GPR55: variants seen among roughly 807,000 people sequenced by gnomAD.
The protein encoded by GPR55 is G protein-coupled receptor 55, also known as G-protein coupled receptor 55.
A neutral mutation model predicts 7.9 loss-of-function variants in GPR55; 6 were observed. The ratio of observed to expected loss-of-function variants is 0.76; its 90% CI spans 0.41 to 1.49. The LOEUF (loss-of-function observed/expected upper bound fraction) is 1.49. Among genes scored for constraint, GPR55 ranks in the 40% most tolerant of loss-of-function variants. The pLI is 0.01. For missense variants in GPR55, 376 were observed against 406.0 expected (o/e 0.93, Z 0.63); for synonymous variants, 183 against 166.8 (o/e 1.10, Z -0.75).
chr2:230,938,814 G>A (rs935134388), intron 1 of GPR55, among the ~76,000 whole-genome samples: 33 of 152,192 alleles, frequency 2.2e-4, no homozygotes, highest in African/African-American at 7.2e-4. Flanking sequence ...TAGGGCAGGA[G>A]ACAAAAAGCC....
chr2:230,909,631 C>T lies in GPR55; in HGVS notation c.*372G>A. Reference sequence around the variant, plus strand: ...TGGCTCCCTCCTTTACCTCTTTTCTCTCTCTCTCTTTCTTTCCAGAACCTC... The same window carrying T: ...TGGCTCCCTCCTTTACCTCTTTTCTTTCTCTCTCTTTCTTTCCAGAACCTC... On this transcript the variant is annotated 3_prime_UTR_variant, in exon 2 of 2. Coordinates refer to ENST00000650999, the MANE Select transcript of GPR55 (RefSeq NM_005683.4). 4.7e-6 allele frequency: 1 copy of T among 214,628 alleles called. No homozygotes were observed. Among genetic ancestry groups the T allele is most frequent in the East Asian group, 1.1e-4 (1 of 9,418 alleles). The allele number at this position is 214,628 out of a possible 1,614,324, so 13.3% of individuals were successfully genotyped here.
intron 1 of GPR55, among the ~76,000 whole-genome samples, chr2:230,952,082 G>A (rs1023842544): frequency 1.1e-4 from 17 of 152,110 alleles, no homozygotes; most frequent in Non-Finnish European, 1.3e-4. Context: ...GGTACATTTG[G>A]AGAGGGAGGG....
Position 230,943,118 on chromosome 2 carries a change from G to GGA in GPR55, c.-135+17655_-135+17656dup, listed in dbSNP as rs1553543412. On this transcript the variant is annotated intron_variant, in intron 1 of 1. Coordinates refer to the GPR55 transcript ENST00000392039. Reference sequence around the variant, plus strand: ...GAGAGAGGAGAGAAAGAGAGAGAGAGGAGAGAGAGAGCGCTCTCTGTAGCA... The same window carrying GGA: ...GAGAGAGGAGAGAAAGAGAGAGAGAGGAGAGAGAGAGAGCGCTCTCTGTAGCA... Among the ~76,000 whole-genome samples the GGA allele has an allele frequency of 3.8e-4, 57 of 149,318 alleles. No individual in the cohort carries two copies. The East Asian group carries it at 0.011, about 28-fold the overall frequency.
At chr2:230,932,314 G>A (rs1460607663) in intron 1 of GPR55, among the ~76,000 whole-genome samples, 1 of 152,226 alleles carries the variant, frequency 6.6e-6, no homozygotes, top group Non-Finnish European at 1.5e-5. Context: ...AATTGGTGCT[G>A]AAGGCAGAAA....
At chr2:230,940,082 C>T (rs1472617094) in intron 1 of GPR55, among the ~76,000 whole-genome samples, 2 of 152,156 alleles carry the variant, frequency 1.3e-5, no homozygotes, top group African/African-American at 4.8e-5. Flanking sequence ...CCCTGGAGTC[C>T]TGCGATGCTG....
chr2:230,938,638 C>T (rs1045968868), intron 1 of GPR55, among the ~76,000 whole-genome samples: 6 of 152,218 alleles, frequency 3.9e-5, no homozygotes, highest in Non-Finnish European at 5.9e-5. Context: ...ACTTCACCAG[C>T]TCCGGAAAAT....
At position 230,945,535 on chromosome 2, in the gene GPR55, T is replaced by C. The variant is rs149090539; in HGVS notation, c.-135+15240A>G. On this transcript the variant is annotated intron_variant, in intron 1 of 1. Transcript: ENST00000392039. ...TTGACACAATGGAGGAATCTGAATA[T>C]GGATTTCGTGGTGGACGATATTACA... Among the ~76,000 whole-genome samples, 273 of 152,318 alleles carry C rather than the reference T, an allele frequency of 1.8e-3. 2 individuals carry two copies. Among genetic ancestry groups the C allele is most frequent in the African/African-American group, 5.6e-3 (234 of 41,578 alleles).
At chr2:230,950,714 C>G (rs1303341966) in intron 1 of GPR55, among the ~76,000 whole-genome samples, 1 of 152,136 alleles carries the variant, frequency 6.6e-6, no homozygotes, top group Non-Finnish European at 1.5e-5. Flanking sequence ...GTTACAGTCT[C>G]GTGTTATGAC....
chr2:230,959,417 C>T (rs956984414), intron 1 of GPR55, among the ~76,000 whole-genome samples: 1 of 152,108 alleles, frequency 6.6e-6, no homozygotes, highest in Admixed American at 6.5e-5. Flanking sequence ...CCACTGCACT[C>T]CAGCCTGGGC....
intron 1 of GPR55, among the ~76,000 whole-genome samples, chr2:230,960,619 G>A (rs1171392516): frequency 3.3e-5 from 5 of 152,106 alleles, no homozygotes; most frequent in Non-Finnish European, 7.3e-5. Context: ...TCACAGTAAA[G>A]AGCCTGGACG....
intron 1 of GPR55, among the ~76,000 whole-genome samples, chr2:230,951,771 T>TGGG (rs1559180528): frequency 4.0e-5 from 6 of 150,424 alleles, no homozygotes; most frequent in African/African-American, 1.5e-4. Context: ...TTTTTTTTTT[T>TGGG]TTTGTGAGAC....
intron 1 of GPR55, among the ~76,000 whole-genome samples, chr2:230,936,539 T>C (rs1483073220): frequency 6.6e-6 from 1 of 152,192 alleles, no homozygotes; most frequent in African/African-American, 2.4e-5. Context: ...GAACTGTGAG[T>C]CAATTAAACC....
chr2:230,949,964 G>C (rs1457385087), intron 1 of GPR55, among the ~76,000 whole-genome samples: 1 of 151,958 alleles, frequency 6.6e-6, no homozygotes, highest in Non-Finnish European at 1.5e-5. Flanking sequence ...CTCCCAAATA[G>C]CTGGGATTAC....
intron 1 of GPR55, among the ~76,000 whole-genome samples, chr2:230,935,237 C>T (rs1204967316): frequency 1.3e-5 from 2 of 152,110 alleles, no homozygotes; most frequent in African/African-American, 4.8e-5. Context: ...AGAAAAGGGG[C>T]CTCAGGTTAC....
At chr2:230,939,032 T>C (rs1166822897) in intron 1 of GPR55, among the ~76,000 whole-genome samples, 1 of 152,196 alleles carries the variant, frequency 6.6e-6, no homozygotes, top group South Asian at 2.1e-4. Flanking sequence ...GCTCCTGCCG[T>C]GTGGCCAGTT....
At chr2:230,946,711 C>T (rs1443465007) in intron 1 of GPR55, among the ~76,000 whole-genome samples, 1 of 152,188 alleles carries the variant, frequency 6.6e-6, no homozygotes, top group Non-Finnish European at 1.5e-5. Context: ...GGACAAGTTC[C>T]CACTGCAGCC....
chr2:230,944,814 G>A lies in GPR55; in HGVS notation c.-135+15961C>T, dbSNP rs1016263977. 6.6e-5 allele frequency among the ~76,000 whole-genome samples: 10 copies of A among 152,222 alleles called. No individual in the cohort carries two copies. Among genetic ancestry groups the A allele is most frequent in the Admixed American group, 1.3e-4 (2 of 15,284 alleles). On this transcript the variant is annotated intron_variant, in intron 1 of 1. Coordinates refer to the GPR55 transcript ENST00000392039. This position sits in a 1 kb window ranked among gnomAD's most constrained non-coding sequence, Gnocchi z 4.2. ...GGCCTGGCCACGGTATCAAAGACAA[G>A]GAAGGCCCATTGCCTGCCCTCATGC...
chr2:230,922,596 A>G (rs1690864181), intron 1 of GPR55, among the ~76,000 whole-genome samples: 1 of 151,842 alleles, frequency 6.6e-6, no homozygotes, highest in Non-Finnish European at 1.5e-5. Flanking sequence ...TATTTTTGAG[A>G]TGGAGTTTCA....
At chr2:230,914,861 C>A (rs1294270895) in intron 1 of GPR55, among the ~76,000 whole-genome samples, 2 of 152,190 alleles carry the variant, frequency 1.3e-5, no homozygotes, top group Non-Finnish European at 1.5e-5. Context: ...AGAGATTAAA[C>A]AGGGGAAGTT....
Sources: gnomAD v4.1 joint callset for allele counts (sites outside exome capture counted in the v4.1 genomes callset) on GRCh38, gnomAD v4.1.1 for gene constraint, Gnocchi (gnomAD v3.1) non-coding constraint, MANE v1.5 for transcripts, NCBI Gene and HGNC (gene_info 2026-07-23, HGNC 2026-07-21) for gene names.